PCDHA8: variants seen among roughly 807,000 people sequenced by gnomAD.
The protein encoded by PCDHA8 is protocadherin alpha-8.
A neutral mutation model predicts 61.8 loss-of-function variants in PCDHA8; 53 were observed. The ratio of observed to expected loss-of-function variants is 0.86; its 90% CI spans 0.69 to 1.08. The LOEUF (loss-of-function observed/expected upper bound fraction) is 1.08, where lower values mean the gene tolerates loss of function less well. Ranked by LOEUF, PCDHA8 falls within the 50% of genes least tolerant of loss-of-function variation. The probability of loss-of-function intolerance (pLI) is 0.00; values close to 1 mark genes in which losing one functional copy is unlikely to be tolerated. For missense variants in PCDHA8, 1,293 were observed against 1,245.0 expected (o/e 1.04, Z -0.58); for synonymous variants, 618 against 556.6 (o/e 1.11, Z -1.55).
At chr5:140,927,601 G>A (rs1490799029) in intron 1 of PCDHA8, 1 of 1,614,198 alleles carries the variant, frequency 6.2e-7, no homozygotes, top group Non-Finnish European at 8.5e-7. Flanking sequence ...TGAGCGCTCC[G>A]TATACCGCAC....
At chr5:141,009,501 C>G in intron 3 of PCDHA8, 126 bp from the exon 4 acceptor site, 2 of 1,492,598 alleles carry the variant, frequency 1.3e-6, no homozygotes, top group Non-Finnish European at 1.8e-6. Context: ...CAGACTTGAA[C>G]AAACAACTCG....
rs113635864 is a variant in PCDHA8 at position 140,947,396 on chromosome 5, A to T, written c.2395-31553A>T. On this transcript the variant is annotated intron_variant, in intron 1 of 3. Coordinates refer to ENST00000531613, the MANE Select transcript of PCDHA8 (RefSeq NM_018911.3). ...ATATGTTTATCCTTTCACTAAAAGT[A>T]GACTGTCTTGATATTGTAGCTTTAT... Among the ~76,000 whole-genome samples the T allele has an allele frequency of 7.1e-3, 1,081 of 151,828 alleles. 11 individuals are homozygous for T. The highest frequency in any genetic ancestry group is 0.025 in the African/African-American group (1,045 of 41,538).
At chr5:140,990,836 C>G (rs1358432111) in intron 3 of PCDHA8, among the ~76,000 whole-genome samples, 1 of 152,120 alleles carries the variant, frequency 6.6e-6, no homozygotes, top group East Asian at 1.9e-4. Context: ...AGCCTATTAG[C>G]AAAAATAGAG....
chr5:140,896,227 A>G (rs1332090647), intron 1 of PCDHA8, among the ~76,000 whole-genome samples: 1 of 152,230 alleles, frequency 6.6e-6, no homozygotes, highest in Non-Finnish European at 1.5e-5. Flanking sequence ...TCTTTATAGT[A>G]GAATGACTTA....
chr5:140,916,612 G>A (rs1256459125), intron 1 of PCDHA8, among the ~76,000 whole-genome samples: 3 of 152,144 alleles, frequency 2.0e-5, no homozygotes, highest in African/African-American at 7.2e-5. Flanking sequence ...CGGGCCTCAT[G>A]ACTCTACTCA....
intron 3 of PCDHA8, among the ~76,000 whole-genome samples, chr5:140,992,421 A>C (rs1412648457): frequency 6.6e-6 from 1 of 152,164 alleles, no homozygotes; most frequent in African/African-American, 2.4e-5. Flanking sequence ...CAGGTCTAAG[A>C]ATATTGTTCC....
intron 1 of PCDHA8, chr5:140,852,246 CTT>C (rs1364833790): frequency 5.5e-6 from 3 of 546,116 alleles, no homozygotes; most frequent in Admixed American, 6.5e-5. Context: ...TTAAAACACA[CTT>C]TTGGAATATG....
At position 140,843,497 on chromosome 5, in the gene PCDHA8, C is replaced by G. The variant is rs1229435401; in HGVS notation, c.2176C>G (p.Leu726Val). The change falls in exon 1 of 4, where the codon CTG becomes GTG. Residue 726 changes from leucine (L) to valine (V), a missense_variant. Coordinates refer to ENST00000531613, the MANE Select transcript of PCDHA8 (RefSeq NM_018911.3). ...LLYTALRCSALPTEGGCRAGK... is the reference protein window; with the variant it reads ...LLYTALRCSAVPTEGGCRAGK... ...GTACACTGCGCTGCGGTGCTCAGCACTGCCCACTGAGGGCGGGTGCCGGGC... is the reference window on the plus strand; with the variant it reads ...GTACACTGCGCTGCGGTGCTCAGCAGTGCCCACTGAGGGCGGGTGCCGGGC... 3.1e-6 allele frequency: 5 copies of G among 1,596,022 alleles called. No homozygotes were observed. Among genetic ancestry groups the G allele is most frequent in the Non-Finnish European group, 4.3e-6 (5 of 1,165,588 alleles).
At chr5:140,871,940 T>C (rs1554165964) in intron 1 of PCDHA8, among the ~76,000 whole-genome samples, 1 of 152,226 alleles carries the variant, frequency 6.6e-6, no homozygotes, top group Non-Finnish European at 1.5e-5. Flanking sequence ...TCAACTGGCT[T>C]TGTTTTTCTA....
In PCDHA8 at chr5:140,855,001, ATAT is replaced by A. The variant is rs1304130287; in HGVS notation, c.2394+11290_2394+11292del. On this transcript the variant is annotated intron_variant, in intron 1 of 3. Transcript: ENST00000531613. Reference sequence around the variant, plus strand: ...TTAAGATTCTTTTTGCCCGTGTAAGATATTATAAAATGAAACTTCTTGTATAAA... The same window carrying A: ...TTAAGATTCTTTTTGCCCGTGTAAGATATAAAATGAAACTTCTTGTATAAA... Among the ~76,000 whole-genome samples the A allele has an allele frequency of 2.0e-5, 3 of 149,948 alleles. 1 individual carries two copies. The highest frequency in any genetic ancestry group is 4.5e-5 in the Non-Finnish European group (3 of 67,104).
intron 1 of PCDHA8, among the ~76,000 whole-genome samples, chr5:140,931,396 G>A (rs1554208395): frequency 1.3e-5 from 2 of 152,118 alleles, no homozygotes; most frequent in Non-Finnish European, 2.9e-5. Context: ...ATAAGTAAGC[G>A]ATAGGAAGGC....
At chr5:140,865,393 T>C (rs1484152946) in intron 1 of PCDHA8, 1 of 152,180 alleles carries the variant, frequency 6.6e-6, no homozygotes, top group Admixed American at 6.5e-5. Flanking sequence ...AAAGTTAATA[T>C]AAATGCTGAA....
chr5:140,997,577 T>G (rs2097775398), intron 3 of PCDHA8, among the ~76,000 whole-genome samples: 1 of 152,186 alleles, frequency 6.6e-6, no homozygotes, highest in Admixed American at 6.5e-5. Flanking sequence ...GTGTGGTCCG[T>G]TGTTGACTGA....
intron 1 of PCDHA8, among the ~76,000 whole-genome samples, chr5:140,950,490 C>A (rs2153689793): frequency 6.6e-6 from 1 of 152,114 alleles, no homozygotes; most frequent in South Asian, 2.1e-4. Context: ...AGTGTGTAGT[C>A]ATTTAAGTCA....
At chr5:140,883,547 G>GC in intron 1 of PCDHA8, 5 of 1,614,234 alleles carry the variant, frequency 3.1e-6, no homozygotes, top group Non-Finnish European at 3.4e-6. Context: ...GGTGGTGACC[G>GC]CGCGGGACGG....
intron 3 of PCDHA8, among the ~76,000 whole-genome samples, chr5:141,003,433 T>G (rs1479468480): frequency 2.0e-5 from 3 of 152,112 alleles, no homozygotes; most frequent in African/African-American, 7.2e-5. Flanking sequence ...TGCCTCAGCC[T>G]CCCAAGTAGA....
chr5:141,009,651 C>A lies in PCDHA8; in HGVS notation c.2567C>A (p.Pro856His). 1 of 1,613,950 alleles carries A rather than the reference C, an allele frequency of 6.2e-7. No individual in the cohort carries two copies. The highest frequency in any genetic ancestry group is 8.5e-7 in the Non-Finnish European group (1 of 1,179,936). Residue 856 changes from proline (P) to histidine (H), a missense_variant, in exon 4 of 4, where the codon CCT (proline) becomes CAT (histidine). By Grantham distance (77) the Pro-to-His change is moderately conservative. Coordinates refer to ENST00000531613, the MANE Select transcript of PCDHA8 (RefSeq NM_018911.3). Reference protein sequence around the residue: ...TPEPEAGEVSPPVGAGVNSNS... With the variant: ...TPEPEAGEVSHPVGAGVNSNS... ...GAACCAGAGGCAGGAGAAGTGTCCC[C>A]TCCAGTCGGTGCGGGTGTCAACAGC...
At chr5:140,883,922 C>T in intron 1 of PCDHA8, 1 of 1,613,240 alleles carries the variant, frequency 6.2e-7, no homozygotes, top group Non-Finnish European at 8.5e-7. Context: ...CGTGACGCTG[C>T]AGGTGTTCGT....
At chr5:140,874,713 T>C (rs976044407) in intron 1 of PCDHA8, among the ~76,000 whole-genome samples, 2 of 152,248 alleles carry the variant, frequency 1.3e-5, no homozygotes, top group Non-Finnish European at 1.5e-5. Context: ...AGAGCAGTTA[T>C]GTGAAAAGTT....
Sources: gnomAD v4.1 joint callset for allele counts (sites outside exome capture counted in the v4.1 genomes callset) on GRCh38, gnomAD v4.1.1 for gene constraint, MANE v1.5 for transcripts, NCBI Gene and HGNC (gene_info 2026-07-23, HGNC 2026-07-21) for gene names.